The following ANKS1B variants were observed in gnomAD, a reference collection of about 807,000 sequenced individuals.
ANKS1B encodes the protein ankyrin repeat and sterile alpha motif domain-containing protein 1B.
A neutral mutation model predicts 148.3 loss-of-function variants in ANKS1B; 36 were observed. That is an observed-to-expected ratio of 0.24 (90% CI 0.19 to 0.32). The LOEUF (loss-of-function observed/expected upper bound fraction) is 0.32, where lower values mean the gene tolerates loss of function less well. Ranked by LOEUF, ANKS1B falls within the 10% of genes least tolerant of loss-of-function variation. The pLI, the probability that ANKS1B is intolerant of heterozygous loss-of-function variation, is 1.00. For synonymous variants in ANKS1B, 542 were observed against 560.8 expected (o/e 0.97, Z 0.47); for missense variants, 1,157 against 1,542.6 (o/e 0.75, Z 4.19).
At chr12:99,148,354 T>C (rs1029480428) in intron 15 of ANKS1B, among the ~76,000 whole-genome samples, 3 of 152,100 alleles carry the variant, frequency 2.0e-5, no homozygotes, top group Non-Finnish European at 4.4e-5. Context: ...AAAAATTTAA[T>C]CAGAGCAACT....
intron 1 of ANKS1B, among the ~76,000 whole-genome samples, chr12:99,898,559 T>A (rs1028034110): frequency 1.2e-4 from 19 of 152,166 alleles, no homozygotes; most frequent in African/African-American, 4.6e-4. Context: ...AAGCCCTGGG[T>A]AAGCCAAGCT....
intron 17 of ANKS1B, among the ~76,000 whole-genome samples, chr12:99,009,066 G>A (rs1451840560): frequency 6.6e-6 from 1 of 152,192 alleles, no homozygotes. Context: ...TTGAGAATAG[G>A]TGAAGGGCAT....
intron 17 of ANKS1B, among the ~76,000 whole-genome samples, chr12:98,884,083 T>C (rs2099726949): frequency 6.6e-6 from 1 of 152,226 alleles, no homozygotes; most frequent in South Asian, 2.1e-4. Flanking sequence ...TAGTAATTTA[T>C]AGTTATTTGT....
At chr12:99,854,418 C>T (rs542900985) in intron 1 of ANKS1B, among the ~76,000 whole-genome samples, 3 of 152,214 alleles carry the variant, frequency 2.0e-5, no homozygotes, top group Non-Finnish European at 2.9e-5. Context: ...ACCAAACCTA[C>T]GAATAATTGG....
chr12:98,826,003 T>C (rs901182655), intron 19 of ANKS1B, among the ~76,000 whole-genome samples: 1 of 152,222 alleles, frequency 6.6e-6, no homozygotes, highest in Non-Finnish European at 1.5e-5. Context: ...ATTACACATA[T>C]GTGAATGCAA....
chr12:99,669,013 C>T (rs1328768226), intron 8 of ANKS1B, among the ~76,000 whole-genome samples: 5 of 152,088 alleles, frequency 3.3e-5, no homozygotes, highest in Admixed American at 3.3e-4. Context: ...TTTCTCTATT[C>T]ATGTCACCTC....
chr12:99,470,460 C>G (rs2096222172), intron 10 of ANKS1B, among the ~76,000 whole-genome samples: 1 of 152,110 alleles, frequency 6.6e-6, no homozygotes, highest in African/African-American at 2.4e-5. Context: ...ACACTTCAAT[C>G]TAAATGAATT....
chr12:98,966,862 G>C (rs1295353678), intron 17 of ANKS1B, among the ~76,000 whole-genome samples: 1 of 139,126 alleles, frequency 7.2e-6, no homozygotes, highest in East Asian at 2.4e-4. Flanking sequence ...ACACAGGAAG[G>C]GGAACATCAC....
intron 8 of ANKS1B, among the ~76,000 whole-genome samples, chr12:99,748,991 A>G (rs2060856189): frequency 6.6e-6 from 1 of 152,096 alleles, no homozygotes; most frequent in African/African-American, 2.4e-5. Flanking sequence ...TATAGACACT[A>G]TAGTTTTCTA....
intron 9 of ANKS1B, among the ~76,000 whole-genome samples, chr12:99,557,062 T>C (rs147053413): frequency 6.6e-6 from 1 of 152,334 alleles, no homozygotes; most frequent in African/African-American, 2.4e-5. Context: ...CACCTCACTT[T>C]TGTAGGTGAC....
rs551153709 is a variant in ANKS1B at position 99,429,689 on chromosome 12, C to T, written c.1575+13984G>A. ...TTGTAAGAAATAACATGGGGCCGGG[C>T]GCGGTGGCTCACGCCTGTAATCCCA... On this transcript the variant is annotated intron_variant, in intron 11 of 26. Coordinates refer to ENST00000683438, the MANE Select transcript of ANKS1B (RefSeq NM_001352186.2). Among the ~76,000 whole-genome samples, 5 of 152,300 alleles carry T rather than the reference C, an allele frequency of 3.3e-5. No individual in the cohort carries two copies. In the South Asian group the frequency reaches 1.0e-3, roughly 32 times the overall value.
At chr12:98,771,559 G>A (rs1040159195) in intron 25 of ANKS1B, among the ~76,000 whole-genome samples, 2 of 151,930 alleles carry the variant, frequency 1.3e-5, no homozygotes, top group Admixed American at 6.6e-5. Flanking sequence ...CTGCAGCCTC[G>A]ACCTCCCAGG....
At chr12:99,730,032 T>C (rs2058982888) in intron 8 of ANKS1B, among the ~76,000 whole-genome samples, 1 of 152,242 alleles carries the variant, frequency 6.6e-6, no homozygotes, top group Non-Finnish European at 1.5e-5. Flanking sequence ...ATATGGTCAC[T>C]AGTATGACAG....
At chr12:99,587,904 T>C (rs994676660) in intron 9 of ANKS1B, among the ~76,000 whole-genome samples, 4 of 152,026 alleles carry the variant, frequency 2.6e-5, no homozygotes, top group East Asian at 1.9e-4. Flanking sequence ...GAGTATCCAA[T>C]AGAGCAGTTA....
chr12:99,829,225 C>T (rs1298655390), intron 1 of ANKS1B, among the ~76,000 whole-genome samples: 3 of 151,174 alleles, frequency 2.0e-5, no homozygotes, highest in Non-Finnish European at 4.4e-5. Flanking sequence ...ATAAAATGTA[C>T]ATGGGCCAGT....
intron 9 of ANKS1B, among the ~76,000 whole-genome samples, chr12:99,592,908 T>C (rs900487015): frequency 6.6e-6 from 1 of 152,082 alleles, no homozygotes; most frequent in African/African-American, 2.4e-5. Context: ...ATGGGGGGTG[T>C]TCCAAGCTAT....
rs140027249 is a variant in ANKS1B, at chr12:99,941,406, G to T, written c.134+42698C>A. 3.3e-4 allele frequency among the ~76,000 whole-genome samples: 50 copies of T among 150,388 alleles called. No individual in the cohort carries two copies. The East Asian group carries it at 0.01, about 30-fold the overall frequency. On this transcript the variant is annotated intron_variant, in intron 1 of 26. Coordinates refer to ENST00000683438, the MANE Select transcript of ANKS1B (RefSeq NM_001352186.2). ...AAGAAGTCAAGAGATCATTATAGGAGTCTAGATCAAAGATAACAAGGACCT... is the reference window on the plus strand; with the variant it reads ...AAGAAGTCAAGAGATCATTATAGGATTCTAGATCAAAGATAACAAGGACCT...
At chr12:99,786,808 G>C (rs1263874448) in intron 4 of ANKS1B, among the ~76,000 whole-genome samples, 1 of 152,004 alleles carries the variant, frequency 6.6e-6, no homozygotes, top group Non-Finnish European at 1.5e-5. Flanking sequence ...GAAGCTCTAA[G>C]AAATACAAAT....
intron 24 of ANKS1B, among the ~76,000 whole-genome samples, chr12:98,776,362 T>A (rs1021550596): frequency 6.6e-6 from 1 of 152,204 alleles, no homozygotes; most frequent in Non-Finnish European, 1.5e-5. Context: ...ACTCCTCACA[T>A]GTTGATCAGT....
Sources: gnomAD v4.1 joint callset for allele counts (sites outside exome capture counted in the v4.1 genomes callset) on GRCh38, gnomAD v4.1.1 for gene constraint, MANE v1.5 for transcripts, NCBI Gene and HGNC (gene_info 2026-07-23, HGNC 2026-07-21) for gene names.